The following CNTN5 variants were observed in gnomAD, a reference collection of about 807,000 sequenced individuals.
CNTN5 encodes contactin 5, also known as contactin-5.
In CNTN5, 77 loss-of-function variants were observed where a neutral mutation model predicts 129.1. The observed-to-expected ratio is 0.60, with a 90% CI of 0.50 to 0.72. The LOEUF (loss-of-function observed/expected upper bound fraction) is 0.72. Among genes scored for constraint, CNTN5 ranks in the 30% least tolerant of loss-of-function variants. The pLI, the probability that CNTN5 is intolerant of heterozygous loss-of-function variation, is 0.00. For missense variants in CNTN5, 1,478 were observed against 1,328.8 expected, an observed-to-expected ratio of 1.11 and a Z score of -1.75; for synonymous variants, 509 against 465.6, an observed-to-expected ratio of 1.09 and a Z score of -1.20.
At chr11:99,542,568 A>G (rs1165961987) in intron 2 of CNTN5, among the ~76,000 whole-genome samples, 1 of 152,160 alleles carries the variant, frequency 6.6e-6, no homozygotes, top group African/African-American at 2.4e-5. Flanking sequence ...ACTTAACACA[A>G]TGTTTACTAG....
chr11:99,094,591 A>T (rs1483647956), intron 1 of CNTN5, among the ~76,000 whole-genome samples: 1 of 152,044 alleles, frequency 6.6e-6, no homozygotes, highest in Non-Finnish European at 1.5e-5. Flanking sequence ...GGCATACAGA[A>T]GACAGCCATG....
At chr11:99,300,365 A>G (rs1864581708) in intron 1 of CNTN5, among the ~76,000 whole-genome samples, 1 of 151,944 alleles carries the variant, frequency 6.6e-6, no homozygotes, top group Non-Finnish European at 1.5e-5. Context: ...TTTTTAATCT[A>G]TCGAGGTGAC....
At chr11:100,063,731 C>G (rs942023743) in intron 10 of CNTN5, among the ~76,000 whole-genome samples, 1 of 113,094 alleles carries the variant, frequency 8.8e-6, no homozygotes, top group Non-Finnish European at 2.0e-5. Context: ...AAAAAAAATA[C>G]AAAAAATTAT....
At position 99,464,246 on chromosome 11, in the gene CNTN5, G is replaced by T. The variant is rs1378288981; in HGVS notation, c.-70-91899G>T. Among the ~76,000 whole-genome samples the T allele has an allele frequency of 3.3e-5, 5 of 152,234 alleles. No individual in the cohort carries two copies. The East Asian group carries it at 9.7e-4, about 29-fold the overall frequency. Reference sequence around the variant, plus strand: ...TTGAACGTAATCACAATTTTTTGAAGTGTGCTCAATTTATAAAATTAAACA... The same window carrying T: ...TTGAACGTAATCACAATTTTTTGAATTGTGCTCAATTTATAAAATTAAACA... On this transcript the variant is annotated intron_variant, in intron 2 of 24. Transcript: ENST00000524871.
At chr11:99,804,533 G>GA (rs1284896714) in intron 3 of CNTN5, among the ~76,000 whole-genome samples, 331 of 140,490 alleles carry the variant, frequency 2.4e-3, no homozygotes, top group African/African-American at 5.3e-3. Context: ...TTTTGAGATA[G>GA]AAAAAAAAAA....
chr11:99,205,106 A>G (rs1352479410), intron 1 of CNTN5, among the ~76,000 whole-genome samples: 1 of 152,176 alleles, frequency 6.6e-6, no homozygotes, highest in African/African-American at 2.4e-5. Flanking sequence ...GAAGTGTAGT[A>G]TGAACACTTT....
chr11:100,210,337 G>A (rs547376198), intron 15 of CNTN5, among the ~76,000 whole-genome samples: 36 of 127,406 alleles, frequency 2.8e-4, no homozygotes, highest in African/African-American at 9.3e-4. Context: ...GTGACAGGGC[G>A]AGACTATCTC....
intron 7 of CNTN5, among the ~76,000 whole-genome samples, chr11:99,951,340 G>T (rs1950670622): frequency 6.6e-6 from 1 of 150,808 alleles, no homozygotes; most frequent in African/African-American, 2.4e-5. Flanking sequence ...AGCTCTATCT[G>T]ATATTTTCAT....
At chr11:100,260,013 T>G (rs920639359) in intron 17 of CNTN5, among the ~76,000 whole-genome samples, 2 of 151,948 alleles carry the variant, frequency 1.3e-5, no homozygotes, top group Non-Finnish European at 2.9e-5. Context: ...GGAGCTGGTG[T>G]TTTGAAAAGA....
intron 6 of CNTN5, among the ~76,000 whole-genome samples, chr11:99,868,478 C>A (rs958061112): frequency 6.6e-6 from 1 of 152,132 alleles, no homozygotes; most frequent in African/African-American, 2.4e-5. Flanking sequence ...GCCAAGGTTT[C>A]CTGGGTAACA....
At chr11:100,208,328 C>A (rs1372740778) in intron 15 of CNTN5, among the ~76,000 whole-genome samples, 1 of 152,160 alleles carries the variant, frequency 6.6e-6, no homozygotes, top group African/African-American at 2.4e-5. Context: ...ACTCACGCAT[C>A]TGCAATCAGC....
At chr11:100,052,248 C>G (rs931256161) in intron 9 of CNTN5, among the ~76,000 whole-genome samples, 1 of 151,812 alleles carries the variant, frequency 6.6e-6, no homozygotes, top group Non-Finnish European at 1.5e-5. Flanking sequence ...AATACACCTA[C>G]AAAAAGTCAA....
intron 7 of CNTN5, among the ~76,000 whole-genome samples, chr11:99,956,520 T>C (rs1464641610): frequency 6.6e-6 from 1 of 151,362 alleles, no homozygotes. Flanking sequence ...CTTTCTATTT[T>C]CAGTGTTATC....
chr11:100,233,724 T>C (rs993791801), intron 16 of CNTN5, among the ~76,000 whole-genome samples: 3 of 152,104 alleles, frequency 2.0e-5, no homozygotes, highest in Admixed American at 1.3e-4. Flanking sequence ...CTAGGTGCCA[T>C]GGGTTTTGCT....
At chr11:100,031,254 A>G (rs1941693334) in intron 9 of CNTN5, among the ~76,000 whole-genome samples, 1 of 152,212 alleles carries the variant, frequency 6.6e-6, no homozygotes, top group Admixed American at 6.5e-5. Context: ...TGATTATTGT[A>G]AATACAAAGT....
At chr11:99,432,324 G>C (rs1440837025) in intron 2 of CNTN5, among the ~76,000 whole-genome samples, 1 of 151,976 alleles carries the variant, frequency 6.6e-6, no homozygotes, top group Non-Finnish European at 1.5e-5. Context: ...ATAGGATTTG[G>C]GATTTCTATT....
chr11:99,932,962 T>G (rs1412959048), intron 7 of CNTN5, among the ~76,000 whole-genome samples: 1 of 152,202 alleles, frequency 6.6e-6, no homozygotes, highest in Non-Finnish European at 1.5e-5. Flanking sequence ...TGTAGGCTAC[T>G]GAGGCAGTCC....
chr11:99,689,041 A>G (rs620058), intron 3 of CNTN5, among the ~76,000 whole-genome samples: 148,258 of 152,200 alleles, frequency 0.97, 72,331 homozygotes, highest in East Asian at 1. Flanking sequence ...CGTCTTTTCT[A>G]TTGTGAATAG....
At chr11:99,668,423 A>G (rs1952889899) in intron 3 of CNTN5, among the ~76,000 whole-genome samples, 1 of 152,106 alleles carries the variant, frequency 6.6e-6, no homozygotes, top group African/African-American at 2.4e-5. Context: ...TCATAAGGGA[A>G]GAAGTGCTGA....
Sources: gnomAD v4.1 joint callset for allele counts (sites outside exome capture counted in the v4.1 genomes callset) on GRCh38, gnomAD v4.1.1 for gene constraint, MANE v1.5 for transcripts, NCBI Gene and HGNC (gene_info 2026-07-23, HGNC 2026-07-21) for gene names.